The following PCDHGB1 variants were observed in gnomAD, a reference collection of about 807,000 sequenced individuals.
PCDHGB1 encodes the protein protocadherin gamma-B1.
Under a neutral mutation model 56.6 loss-of-function variants are expected in PCDHGB1, and 34 were observed. That is an observed-to-expected ratio of 0.60 (90% confidence interval 0.46 to 0.80). The LOEUF is 0.80. Ranked by LOEUF, PCDHGB1 falls within the 30% of genes least tolerant of loss-of-function variation. The pLI, the probability that PCDHGB1 is intolerant of heterozygous loss-of-function variation, is 0.00. For missense variants in PCDHGB1, 1,278 were observed against 1,204.6 expected, an observed-to-expected ratio of 1.06 and a Z score of -0.90; for synonymous variants, 561 against 505.9, an observed-to-expected ratio of 1.11 and a Z score of -1.46.
At chr5:141,371,163 G>T (rs79773129) in intron 1 of PCDHGB1, 6 of 1,613,984 alleles carry the variant, frequency 3.7e-6, no homozygotes, top group Non-Finnish European at 5.1e-6. Flanking sequence ...GAACCTGCCC[G>T]CTGGCTCCTC....
chr5:141,403,595 T>G (rs2094430008), intron 1 of PCDHGB1: 1 of 1,613,824 alleles, frequency 6.2e-7, no homozygotes, highest in East Asian at 2.2e-5. Flanking sequence ...CCTCACGGCC[T>G]CGGATGGCGG....
intron 1 of PCDHGB1, among the ~76,000 whole-genome samples, chr5:141,358,688 C>G (rs944997281): frequency 6.6e-6 from 1 of 152,144 alleles, no homozygotes. Context: ...CTTATCATGA[C>G]ATCACTATTG....
rs765563941 is a variant in PCDHGB1 at position 141,383,705 on chromosome 5, T to G, written c.2409+31036T>G. On this transcript the variant is annotated intron_variant, in intron 1 of 3. Transcript: ENST00000523390. ...CTGCTCACGGTACATGCTATCGACC[T>G]GGACGAGGGAGTCAATGGGGAAGTG... 3.1e-6 allele frequency: 5 copies of G among 1,613,902 alleles called. No homozygotes were observed. Among genetic ancestry groups the G allele is most frequent in the Non-Finnish European group, 4.2e-6 (5 of 1,179,894 alleles).
intron 1 of PCDHGB1, chr5:141,441,802 T>C (rs2098274220): frequency 2.6e-6 from 1 of 382,538 alleles, no homozygotes; most frequent in South Asian, 2.1e-5. Flanking sequence ...GCACCGCGGG[T>C]GCTGTACCCC....
chr5:141,371,202 G>A, intron 1 of PCDHGB1: 2 of 1,614,036 alleles, frequency 1.2e-6, no homozygotes, highest in Non-Finnish European at 1.7e-6. Flanking sequence ...CATTGACATG[G>A]ATGAGGGCAT....
intron 1 of PCDHGB1, chr5:141,371,313 C>T (rs760463851): frequency 6.2e-7 from 1 of 1,613,964 alleles, no homozygotes. Context: ...TATTGGAGAA[C>T]TGGACTTTGA....
intron 1 of PCDHGB1, chr5:141,430,984 C>A (rs765063685): frequency 6.2e-7 from 1 of 1,613,648 alleles, no homozygotes; most frequent in South Asian, 1.1e-5. Flanking sequence ...CGCAGCTTTT[C>A]GCCCTGAATC....
At chr5:141,407,512 T>G (rs910710605) in intron 1 of PCDHGB1, among the ~76,000 whole-genome samples, 3 of 152,192 alleles carry the variant, frequency 2.0e-5, no homozygotes, top group Non-Finnish European at 4.4e-5. Flanking sequence ...TCTTAGGCTA[T>G]GTAGGACTTA....
Position 141,469,939 on chromosome 5 carries a change from T to G in PCDHGB1, c.2410-24868T>G, listed in dbSNP as rs1376169822. Among the ~76,000 whole-genome samples, 3 of 152,186 alleles carry G rather than the reference T, an allele frequency of 2.0e-5. No individual in the cohort carries two copies. The East Asian group carries it at 5.8e-4, about 29-fold the overall frequency. On this transcript the variant is annotated intron_variant, in intron 1 of 3. Transcript: ENST00000523390. ...CGAGGTCAGGAGTTTGAGACCAGCC[T>G]GGCCAGCATGGTGAAACCCCATCTG...
chr5:141,449,584 G>C (rs2098645697), intron 1 of PCDHGB1, among the ~76,000 whole-genome samples: 1 of 123,190 alleles, frequency 8.1e-6, no homozygotes, highest in South Asian at 2.5e-4. Context: ...GCAAGACTCT[G>C]TCTCAAAAAA....
intron 1 of PCDHGB1, chr5:141,408,760 C>T: frequency 6.2e-7 from 1 of 1,610,404 alleles, no homozygotes. Flanking sequence ...GAGTTAATTC[C>T]GATGGTGGCA....
chr5:141,494,386 T>G (rs2099753905), intron 1 of PCDHGB1, among the ~76,000 whole-genome samples: 1 of 152,198 alleles, frequency 6.6e-6, no homozygotes, highest in African/African-American at 2.4e-5. Context: ...GCTGAGGAGT[T>G]GAATAAATTC....
rs749590670 is a variant in PCDHGB1, at chr5:141,415,328, A to T, written c.2409+62659A>T. 7.9e-5 allele frequency: 127 copies of T among 1,614,184 alleles called. No individual in the cohort carries two copies. The Admixed American group carries it at 1.9e-3, about 24-fold the overall frequency. ...GCCTTCGTCATCGTGCTGCTGGCGC[A>T]CAGGCTGCGGCGCTGGCACAAGTCA... On this transcript the variant is annotated intron_variant, in intron 1 of 3. Transcript: ENST00000523390.
intron 1 of PCDHGB1, chr5:141,372,446 T>C: frequency 6.2e-7 from 1 of 1,614,030 alleles, no homozygotes; most frequent in Non-Finnish European, 8.5e-7. Context: ...CCTCTGACCC[T>C]CAGGCGGAGC....
intron 2 of PCDHGB1, among the ~76,000 whole-genome samples, chr5:141,501,009 C>T (rs2099804715): frequency 2.0e-5 from 3 of 152,040 alleles, no homozygotes; most frequent in Non-Finnish European, 4.4e-5. Context: ...GCTGGGACTA[C>T]AGGCACGCGC....
intron 1 of PCDHGB1, chr5:141,382,944 G>T (rs375823415): frequency 7.9e-5 from 126 of 1,596,768 alleles, no homozygotes; most frequent in Non-Finnish European, 1.0e-4. Flanking sequence ...GATTCTTCCT[G>T]CTCTCCATCC....
At chr5:141,507,786 GTCTAAGCC>G (rs1279265471) in intron 3 of PCDHGB1, among the ~76,000 whole-genome samples, 1 of 152,174 alleles carries the variant, frequency 6.6e-6, no homozygotes, top group Admixed American at 6.5e-5. Flanking sequence ...CCTGACCCTC[GTCTAAGCC>G]TGCGCCCTGG....
intron 1 of PCDHGB1, chr5:141,418,398 T>C (rs754177868): frequency 6.2e-7 from 1 of 1,613,842 alleles, no homozygotes; most frequent in South Asian, 1.1e-5. Flanking sequence ...TATTTCTCAT[T>C]GGTGGAGAAA....
intron 2 of PCDHGB1, among the ~76,000 whole-genome samples, chr5:141,505,007 C>T (rs1210694913): frequency 6.6e-6 from 1 of 152,050 alleles, no homozygotes; most frequent in Non-Finnish European, 1.5e-5. Flanking sequence ...ACTAAAAATA[C>T]AAAAATTAGC....
Sources: gnomAD v4.1 joint callset for allele counts (sites outside exome capture counted in the v4.1 genomes callset) on GRCh38, gnomAD v4.1.1 for gene constraint, MANE v1.5 for transcripts, NCBI Gene and HGNC (gene_info 2026-07-23, HGNC 2026-07-21) for gene names.